Variants in CDK8 observed in about 807,000 individuals in gnomAD.
CDK8 encodes the protein cyclin dependent kinase 8.
A neutral mutation model predicts 71.5 loss-of-function variants in CDK8; 29 were observed. The observed-to-expected ratio is 0.41, with a 90% CI of 0.30 to 0.55. CDK8 has a LOEUF of 0.55. Among genes scored for constraint, CDK8 ranks in the 20% least tolerant of loss-of-function variants. The pLI is 0.37. For missense variants in CDK8, 288 were observed against 572.6 expected, an observed-to-expected ratio of 0.50 and a Z score of 5.07; for synonymous variants, 161 against 192.1, an observed-to-expected ratio of 0.84 and a Z score of 1.34.
At chr13:26,278,335 T>A (rs1872628132) in intron 1 of CDK8, among the ~76,000 whole-genome samples, 1 of 152,218 alleles carries the variant, frequency 6.6e-6, no homozygotes, top group South Asian at 2.1e-4. Flanking sequence ...TTTACATTTT[T>A]AAAATAATGC....
chr13:26,378,958 C>G (rs1415016804), intron 4 of CDK8, among the ~76,000 whole-genome samples: 1 of 152,176 alleles, frequency 6.6e-6, no homozygotes, highest in Non-Finnish European at 1.5e-5. Flanking sequence ...TTGAAGTCTT[C>G]CTTAATACTG....
rs147482740 is a variant in CDK8 at position 26,345,740 on chromosome 13, G to T, written c.205-3332G>T. 3.8e-3 allele frequency among the ~76,000 whole-genome samples: 582 copies of T among 152,302 alleles called. 7 individuals are homozygous for T. The highest frequency in any genetic ancestry group is 0.013 in the African/African-American group (548 of 41,576). ...AAACACAGTAGATTGGTTTTATAAA[G>T]AAAGAAGTGATCTTAGTTCATAGAT... is the stretch of plus-strand genomic sequence containing the variant. On this transcript the variant is annotated intron_variant, in intron 2 of 12. Transcript: ENST00000381527.
At chr13:26,369,654 G>T (rs1287647195) in intron 4 of CDK8, among the ~76,000 whole-genome samples, 1 of 146,030 alleles carries the variant, frequency 6.8e-6, no homozygotes, top group Non-Finnish European at 1.5e-5. Flanking sequence ...TCAGCCTCCC[G>T]AGTAGCTGGG....
At chr13:26,259,800 T>G (rs1221588166) in intron 1 of CDK8, among the ~76,000 whole-genome samples, 1 of 152,220 alleles carries the variant, frequency 6.6e-6, no homozygotes, top group Non-Finnish European at 1.5e-5. Context: ...CAACAAGTAT[T>G]TATTGGACCC....
At chr13:26,309,792 AT>A (rs919004277) in intron 1 of CDK8, among the ~76,000 whole-genome samples, 3 of 151,916 alleles carry the variant, frequency 2.0e-5, no homozygotes, top group African/African-American at 7.2e-5. Flanking sequence ...TTTTTATTTT[AT>A]TTATTGATTT....
chr13:26,306,969 T>G (rs1228804409), intron 1 of CDK8, among the ~76,000 whole-genome samples: 1 of 152,146 alleles, frequency 6.6e-6, no homozygotes, highest in Non-Finnish European at 1.5e-5. Context: ...ATTTTAGGAC[T>G]CTATGAAAGT....
At chr13:26,269,509 G>T (rs1872193126) in intron 1 of CDK8, among the ~76,000 whole-genome samples, 1 of 151,864 alleles carries the variant, frequency 6.6e-6, no homozygotes, top group Non-Finnish European at 1.5e-5. Flanking sequence ...GATCAAAGTA[G>T]CACATACCTC....
At position 26,333,144 on chromosome 13, in the gene CDK8, C is replaced by CT. The variant is rs995483753; in HGVS notation, c.129-4411dup. 9.5e-3 allele frequency among the ~76,000 whole-genome samples: 1,391 copies of CT among 146,292 alleles called. 10 individuals carry two copies. Among genetic ancestry groups the CT allele is most frequent in the African/African-American group, 0.015 (599 of 40,032 alleles). ...TTTCACAATATTAATTATATACCTT[C>CT]TTTTTTTTTTTTGAGACTCAGTCTC... On this transcript the variant is annotated intron_variant, in intron 1 of 12. Transcript: ENST00000381527.
chr13:26,291,003 C>T (rs1873269817), intron 1 of CDK8, among the ~76,000 whole-genome samples: 1 of 151,526 alleles, frequency 6.6e-6, no homozygotes, highest in Admixed American at 6.6e-5. Flanking sequence ...CTTGTAGTCC[C>T]AGCTATTCGG....
At chr13:26,297,620 A>G (rs9553785) in intron 1 of CDK8, among the ~76,000 whole-genome samples, 60,756 of 151,966 alleles carry the variant, frequency 0.4, 14,166 homozygotes, top group Non-Finnish European at 0.52. Context: ...ACAGTACCTG[A>G]TAAGTTCCTT....
chr13:26,331,794 G>T (rs541920315), intron 1 of CDK8, among the ~76,000 whole-genome samples: 2 of 152,220 alleles, frequency 1.3e-5, no homozygotes, highest in African/African-American at 4.8e-5. Context: ...GACTATTGGG[G>T]CTCTTTTTTG....
At chr13:26,389,935 T>G (rs1021326149) in intron 6 of CDK8, among the ~76,000 whole-genome samples, 2 of 152,094 alleles carry the variant, frequency 1.3e-5, no homozygotes, top group East Asian at 3.9e-4. Context: ...GAGGCGGAGG[T>G]TGCAGTGAGC....
intron 1 of CDK8, among the ~76,000 whole-genome samples, chr13:26,298,552 A>C (rs1485152404): frequency 4.6e-5 from 7 of 152,136 alleles, no homozygotes; most frequent in Non-Finnish European, 1.0e-4. Context: ...TGAACACACA[A>C]AATTCAGTTT....
intron 1 of CDK8, among the ~76,000 whole-genome samples, chr13:26,329,012 G>A (rs1037692580): frequency 3.9e-5 from 6 of 152,140 alleles, no homozygotes; most frequent in African/African-American, 1.4e-4. Flanking sequence ...TTTCTTCACT[G>A]TCAACTTCTG....
At chr13:26,364,328 G>GTTATGTATA (rs1404223617) in intron 4 of CDK8, among the ~76,000 whole-genome samples, 3 of 152,066 alleles carry the variant, frequency 2.0e-5, no homozygotes, top group African/African-American at 7.2e-5. Flanking sequence ...TTTTGATTCA[G>GTTATGTATA]TTATGTATAT....
chr13:26,304,803 ATTTAAATTTTTTTTTAAT>A (rs1275480256), intron 1 of CDK8, among the ~76,000 whole-genome samples: 1 of 151,610 alleles, frequency 6.6e-6, no homozygotes, highest in African/African-American at 2.4e-5. Context: ...TACCCAGCTA[ATTTAAATTTTTTTTTAAT>A]TTTAAAATTT....
At chr13:26,380,301 T>C (rs1593300878) in intron 4 of CDK8, among the ~76,000 whole-genome samples, 1 of 152,004 alleles carries the variant, frequency 6.6e-6, no homozygotes, top group South Asian at 2.1e-4. Flanking sequence ...TGCCTCAGCC[T>C]CCTGAGTAGC....
chr13:26,385,980 A>G (rs956637174), intron 6 of CDK8, among the ~76,000 whole-genome samples: 1 of 152,328 alleles, frequency 6.6e-6, no homozygotes, highest in East Asian at 1.9e-4. Context: ...TCTTTTACCA[A>G]AAGAAATACT....
At position 26,404,129 on chromosome 13, in the gene CDK8, G is replaced by T; in HGVS notation, c.*48G>T. ...GCACTGTTGCGAATGCTGCAGGGCT[G>T]ACTGTGCAGCTCTCTGCGGGAACCT... On this transcript the variant is annotated 3_prime_UTR_variant, in exon 13 of 13. Transcript: ENST00000381527. 1.2e-6 allele frequency: 2 copies of T among 1,605,452 alleles called. No homozygotes were observed. Among genetic ancestry groups the T allele is most frequent in the South Asian group, 2.2e-5 (2 of 90,120 alleles).
Sources: allele counts gnomAD v4.1 joint callset (sites outside exome capture counted in the v4.1 genomes callset), GRCh38; gene constraint gnomAD v4.1.1; transcripts MANE v1.5; gene names NCBI Gene and HGNC (gene_info 2026-07-23, HGNC 2026-07-21).